BRINP3: variants seen among roughly 807,000 people sequenced by gnomAD.
The protein encoded by BRINP3 is BMP/retinoic acid inducible neural specific 3.
In BRINP3, 19 loss-of-function variants were observed where a neutral mutation model predicts 71.0. That is an observed-to-expected ratio of 0.27 (90% CI 0.19 to 0.39). The LOEUF (loss-of-function observed/expected upper bound fraction) is 0.39. Among genes scored for constraint, BRINP3 ranks in the 10% least tolerant of loss-of-function variants. The pLI, the probability that BRINP3 is intolerant of heterozygous loss-of-function variation, is 1.00. For missense variants in BRINP3, 959 were observed against 940.8 expected (o/e 1.02, Z -0.25); for synonymous variants, 380 against 337.7 (o/e 1.13, Z -1.37).
chr1:190,098,985 T>C lies in BRINP3; in HGVS notation c.1334A>G (p.Asp445Gly), dbSNP rs550729916. The change falls in exon 8 of 8, where the codon GAC becomes GGC. Residue 445 changes from aspartate to glycine, a missense_variant. Asp to Gly is a moderately conservative substitution (Grantham distance 94). Transcript: ENST00000367462. Reference protein sequence around the residue: ...CTAFLPCTVGDASACLTCAPD... With the variant: ...CTAFLPCTVGGASACLTCAPD... ...TGCGCATGTCAGGCAGGCAGAGGCGTCTCCCACTGTGCAGGGCAGGAACGC... is the reference window on the plus strand; with the variant it reads ...TGCGCATGTCAGGCAGGCAGAGGCGCCTCCCACTGTGCAGGGCAGGAACGC... 8.1e-6 allele frequency: 13 copies of C among 1,614,104 alleles called. No individual in the cohort carries two copies. The South Asian group carries it at 1.3e-4, about 16-fold the overall frequency.
chr1:190,120,188 A>C (rs1001002595), intron 7 of BRINP3, among the ~76,000 whole-genome samples: 4 of 152,172 alleles, frequency 2.6e-5, no homozygotes, highest in Non-Finnish European at 5.9e-5. Context: ...AGAATGTAGA[A>C]TTCTGAAAAT....
chr1:190,342,191 C>A (rs1010192175), intron 2 of BRINP3, among the ~76,000 whole-genome samples: 1 of 151,402 alleles, frequency 6.6e-6, no homozygotes, highest in Non-Finnish European at 1.5e-5. Flanking sequence ...GTCTGGGTCA[C>A]CTGGATAATC....
At chr1:190,109,337 C>G (rs1652468161) in intron 7 of BRINP3, among the ~76,000 whole-genome samples, 1 of 152,050 alleles carries the variant, frequency 6.6e-6, no homozygotes, top group Non-Finnish European at 1.5e-5. Flanking sequence ...AATTATCAAG[C>G]CAAGGATTAA....
At position 190,264,971 on chromosome 1, in the gene BRINP3, G is replaced by A. The variant is rs765103774; in HGVS notation, c.512C>T (p.Ser171Leu). 8 of 1,611,910 alleles carry A rather than the reference G, an allele frequency of 5.0e-6. No individual in the cohort carries two copies. The highest frequency in any genetic ancestry group is 5.9e-6 in the Non-Finnish European group (7 of 1,179,258). Residue 171 changes from serine to leucine, a missense_variant, in exon 4 of 8, where the codon TCG (serine) becomes TTG (leucine). By Grantham distance (145) the Ser-to-Leu change is moderately radical. Coordinates refer to ENST00000367462, the MANE Select transcript of BRINP3 (RefSeq NM_199051.3). ...CTGATGTAGCGTCTCCAGAGTGACC[G>A]AAGAGCTATTGGTGGTGGAATCACT... Reference protein sequence around the residue: ...EGSDSTTNSSSVTLETLHQLA... With the variant: ...EGSDSTTNSSLVTLETLHQLA...
At chr1:190,413,584 T>C (rs2102420738) in intron 2 of BRINP3, among the ~76,000 whole-genome samples, 1 of 152,306 alleles carries the variant, frequency 6.6e-6, no homozygotes, top group East Asian at 1.9e-4. Flanking sequence ...ACCATCCATG[T>C]AATGCTAGCA....
rs114302600 is a variant in BRINP3 at position 190,324,492 on chromosome 1, G to C, written c.237-42742C>G. 2.1e-3 allele frequency among the ~76,000 whole-genome samples: 326 copies of C among 151,896 alleles called. 3 individuals are homozygous for C. The highest frequency in any genetic ancestry group is 7.3e-3 in the African/African-American group (304 of 41,474). On this transcript the variant is annotated intron_variant, in intron 2 of 7. Transcript: ENST00000367462. ...GAAAATGTAGCGTTAATAAATCACT[G>C]ATAAATGAATATAAATAGGTAAACA... is the stretch of plus-strand genomic sequence containing the variant.
chr1:190,160,688 G>A lies in BRINP3; in HGVS notation c.1164C>T (p.Leu388=). The change falls in exon 7 of 8, where the codon CTC becomes CTT. Residue 388 remains leucine (L), a synonymous_variant. Transcript: ENST00000367462. The part of the protein sequence containing the change: ...SLSKRCHKQP[L]ISLPRQRTST... The stretch of plus-strand genomic sequence containing the variant: ...CTTACCTTTGTCTTGGCAGGCTGAT[G>A]AGGGGTTGTTTATGACACCTCTTGC... 1 of 1,613,074 alleles carries A rather than the reference G, an allele frequency of 6.2e-7. No individual in the cohort carries two copies. The highest frequency in any genetic ancestry group is 8.5e-7 in the Non-Finnish European group (1 of 1,179,494).
intron 7 of BRINP3, among the ~76,000 whole-genome samples, chr1:190,151,565 T>A (rs1656397177): frequency 6.6e-6 from 1 of 152,296 alleles, no homozygotes; most frequent in Non-Finnish European, 1.5e-5. Context: ...AAATAAAAAT[T>A]GAGATGAAAA....
chr1:190,152,771 A>G (rs189122491), intron 7 of BRINP3, among the ~76,000 whole-genome samples: 164 of 152,200 alleles, frequency 1.1e-3, no homozygotes, highest in African/African-American at 3.8e-3. Context: ...TACAGACTTT[A>G]ATTTTATTTT....
intron 4 of BRINP3, among the ~76,000 whole-genome samples, chr1:190,244,426 G>T (rs1659393321): frequency 6.6e-6 from 1 of 152,034 alleles, no homozygotes; most frequent in Non-Finnish European, 1.5e-5. Flanking sequence ...CAAGCAAACT[G>T]CAAGCTGATG....
chr1:190,288,266 T>C (rs750473484), intron 2 of BRINP3, among the ~76,000 whole-genome samples: 74 of 151,916 alleles, frequency 4.9e-4, no homozygotes, highest in Non-Finnish European at 1.0e-3. Flanking sequence ...GGCATAGACA[T>C]ATCTGAGCTA....
At chr1:190,417,388 ATTC>A (rs1227994937) in intron 2 of BRINP3, among the ~76,000 whole-genome samples, 7 of 152,264 alleles carry the variant, frequency 4.6e-5, no homozygotes, top group African/African-American at 9.6e-5. Context: ...ATTTGGCAGA[ATTC>A]TTCTTGTATC....
chr1:190,471,709 T>C (rs2102711224), intron 1 of BRINP3, among the ~76,000 whole-genome samples: 1 of 151,470 alleles, frequency 6.6e-6, no homozygotes, highest in Non-Finnish European at 1.5e-5. Context: ...TGTTCCCAAT[T>C]AAGAGTAGAG....
Position 190,156,691 on chromosome 1 carries a change from T to A in BRINP3, c.1184+3977A>T, listed in dbSNP as rs141432897. 2.4e-4 allele frequency among the ~76,000 whole-genome samples: 36 copies of A among 152,150 alleles called. No homozygotes were observed. The East Asian group carries it at 5.6e-3, about 24-fold the overall frequency. On this transcript the variant is annotated intron_variant, in intron 7 of 7. Coordinates refer to ENST00000367462, the MANE Select transcript of BRINP3 (RefSeq NM_199051.3). ...GCATTGTTTTTGTGTGTGTGGTGAC[T>A]AATAGTCAACTTAGGAATTACGCTA...
intron 6 of BRINP3, among the ~76,000 whole-genome samples, chr1:190,220,211 A>T (rs560146657): frequency 6.6e-6 from 1 of 152,216 alleles, no homozygotes; most frequent in Non-Finnish European, 1.5e-5. Context: ...AAGAGAAAAG[A>T]AGCAAAAAGG....
chr1:190,277,682 T>A (rs1271793648), intron 3 of BRINP3, among the ~76,000 whole-genome samples: 1 of 151,730 alleles, frequency 6.6e-6, no homozygotes, highest in East Asian at 1.9e-4. Flanking sequence ...AGTACACAGA[T>A]ACACTTTAAT....
At chr1:190,261,299 T>C (rs1195256497) in intron 4 of BRINP3, among the ~76,000 whole-genome samples, 1 of 152,008 alleles carries the variant, frequency 6.6e-6, no homozygotes, top group Non-Finnish European at 1.5e-5. Context: ...AATGACCAAC[T>C]CTAGACATTA....
At chr1:190,131,427 A>G (rs948978108) in intron 7 of BRINP3, among the ~76,000 whole-genome samples, 6 of 151,968 alleles carry the variant, frequency 3.9e-5, no homozygotes, top group African/African-American at 1.2e-4. Context: ...ATGGTACATA[A>G]TATCTCTGTC....
At chr1:190,278,260 A>G (rs983825463) in intron 3 of BRINP3, among the ~76,000 whole-genome samples, 3 of 151,706 alleles carry the variant, frequency 2.0e-5, no homozygotes, top group African/African-American at 7.2e-5. Flanking sequence ...GCTTTTTGTT[A>G]AAAAGGTTTG....
Sources: gnomAD v4.1 joint callset for allele counts (sites outside exome capture counted in the v4.1 genomes callset) on GRCh38, gnomAD v4.1.1 for gene constraint, MANE v1.5 for transcripts, NCBI Gene and HGNC (gene_info 2026-07-23, HGNC 2026-07-21) for gene names.